ZNF699: variants seen among roughly 807,000 people sequenced by gnomAD.
ZNF699 encodes the protein hangover homolog.
ZNF699 carries 18 observed loss-of-function variants against 22.5 expected under a neutral mutation model. The observed-to-expected ratio is 0.80, with a 90% CI of 0.55 to 1.19. The LOEUF (loss-of-function observed/expected upper bound fraction) is 1.19, where lower values mean the gene tolerates loss of function less well. Ranked by LOEUF, ZNF699 falls within the 50% of genes most tolerant of loss-of-function variation. The pLI is 0.00. For synonymous variants in ZNF699, 241 were observed against 262.3 expected (o/e 0.92, Z 0.78); for missense variants, 670 against 763.4 (o/e 0.88, Z 1.44).
At chr19:9,299,959 C>G (rs746904537) in intron 3 of ZNF699, among the ~76,000 whole-genome samples, 1 of 151,854 alleles carries the variant, frequency 6.6e-6, no homozygotes, top group East Asian at 1.9e-4. Context: ...TGAAAAGATG[C>G]TCAACATCAT....
intron 3 of ZNF699, among the ~76,000 whole-genome samples, chr19:9,298,615 G>A (rs1230504569): frequency 6.6e-6 from 1 of 152,026 alleles, no homozygotes; most frequent in East Asian, 1.9e-4. Flanking sequence ...ACTAATCTTG[G>A]ATAAAGTTAC....
chr19:9,297,894 C>T lies in ZNF699; in HGVS notation c.272G>A (p.Gly91Glu). 1 of 1,613,470 alleles carries T rather than the reference C, an allele frequency of 6.2e-7. No homozygotes were observed. The change falls in exon 4 of 6, where the codon GGA becomes GAA. Residue 91 changes from glycine (G) to glutamate (E), a missense_variant. By Grantham distance (98) the Gly-to-Glu change is moderately conservative. Transcript: ENST00000591998. This position sits in a 1 kb window ranked among gnomAD's most constrained non-coding sequence, Gnocchi z 4.3. ...AGGGTTCTTGCCTTCCCGGTGCTCT[C>T]CCATAAAGATGCCCTGGATAAGTTC... is the stretch of plus-strand genomic sequence containing the variant. ...KRELIQGIFM[G>E]EHREGFETQL...
Position 9,297,019 on chromosome 19 carries a change from T to A in ZNF699, c.471-86A>T. 8.1e-7 allele frequency: 1 copy of A among 1,237,244 alleles called. No individual in the cohort carries two copies. Among genetic ancestry groups the A allele is most frequent in the Non-Finnish European group, 1.1e-6 (1 of 916,476 alleles). 76.6% of individuals were successfully genotyped at this position (1,237,244 alleles called of 1,614,324 possible). Reference sequence around the variant, plus strand: ...ATGTTTTCTGCCCTTCTGTCAAGTTTAAGCTGAAAGTTTTCACAGAGGGCT... The same window carrying A: ...ATGTTTTCTGCCCTTCTGTCAAGTTAAAGCTGAAAGTTTTCACAGAGGGCT... On this transcript the variant is annotated intron_variant, in intron 5 of 5. Coordinates refer to ENST00000591998, the MANE Select transcript of ZNF699 (RefSeq NM_198535.3). The surrounding 1 kb of genome is among the most constrained non-coding windows in gnomAD (Gnocchi z 4.3).
Position 9,296,102 on chromosome 19 carries a change from A to G in ZNF699, c.1302T>C (p.Leu434=). The change falls in exon 6 of 6, where the codon CTT becomes CTC. Residue 434 remains leucine, a synonymous_variant. Transcript: ENST00000591998. ...GACTTTGATTTTTCACATGTGTATTAAGGGAAGTGGGAAGGTAGAAGGCCT... is the reference window on the plus strand; with the variant it reads ...GACTTTGATTTTTCACATGTGTATTGAGGGAAGTGGGAAGGTAGAAGGCCT... ...CGKAFYLPTS[L]NTHVKNQSRE... is the part of the protein sequence containing the mutation. The G allele has an allele frequency of 2.5e-6, 4 of 1,609,420 alleles. No homozygotes were observed. The highest frequency in any genetic ancestry group is 3.4e-6 in the Non-Finnish European group (4 of 1,178,514).
At chr19:9,307,994 T>C (rs2066333810) in intron 1 of ZNF699, among the ~76,000 whole-genome samples, 1 of 149,356 alleles carries the variant, frequency 6.7e-6, no homozygotes, top group Non-Finnish European at 1.5e-5. Flanking sequence ...TATTGATATA[T>C]AAAGTTGAAT....
chr19:9,305,266 TACACAC>T (rs755417456), intron 1 of ZNF699, 142 bp from the exon 2 acceptor site: 3 of 583,402 alleles, frequency 5.1e-6, no homozygotes, highest in East Asian at 2.9e-5. Context: ...TCAAAACACA[TACACAC>T]ACACACACAC....
At chr19:9,304,041 G>A (rs576884297) in intron 2 of ZNF699, among the ~76,000 whole-genome samples, 2 of 151,928 alleles carry the variant, frequency 1.3e-5, no homozygotes, top group African/African-American at 4.8e-5. Context: ...GACTGGTCTC[G>A]AACTCCTGAC....
In ZNF699 at chr19:9,293,684, G is replaced by T. The variant is rs2066274477; in HGVS notation, c.*1791C>A. On this transcript the variant is annotated 3_prime_UTR_variant, in exon 6 of 6. Transcript: ENST00000591998. ...AGGAACTTCCTAAAGTCTTGGAAAT[G>T]TTCTGTTTACCAGGACATGTACATA... Among the ~76,000 whole-genome samples, 1 of 152,144 alleles carries T rather than the reference G, an allele frequency of 6.6e-6. No individual in the cohort carries two copies. Among genetic ancestry groups the T allele is most frequent in the Admixed American group, 6.5e-5 (1 of 15,270 alleles).
rs961163156 is a variant in ZNF699 at position 9,297,636 on chromosome 19, A to G, written c.287-157T>C. 5.3e-5 allele frequency among the ~76,000 whole-genome samples: 8 copies of G among 152,206 alleles called. No individual in the cohort carries two copies. Among genetic ancestry groups the G allele is most frequent in the Non-Finnish European group, 8.8e-5 (6 of 68,042 alleles). ...TTGAAACTAACATAACTAATATAGT[A>G]TTAGGAGAACAAAACAGAAATTGGA... is the stretch of plus-strand genomic sequence containing the variant. On this transcript the variant is annotated intron_variant, in intron 4 of 5. Transcript: ENST00000591998. This position sits in a 1 kb window ranked among gnomAD's most constrained non-coding sequence, Gnocchi z 4.3.
Position 9,309,191 on chromosome 19 carries a change from C to A in ZNF699, c.-6+159G>T, listed in dbSNP as rs141596850. 3.9e-3 allele frequency among the ~76,000 whole-genome samples: 546 copies of A among 139,802 alleles called. 1 individual carries two copies. Among genetic ancestry groups the A allele is most frequent in the African/African-American group, 0.014 (506 of 37,254 alleles). The allele number at this position is 139,802 out of a possible 152,430, so 91.7% of individuals were successfully genotyped here. On this transcript the variant is annotated intron_variant, in intron 1 of 5. Coordinates refer to ENST00000591998, the MANE Select transcript of ZNF699 (RefSeq NM_198535.3). ...ACGGGATCTTGCTATGTTGCCCAGG[C>A]TGGCCTCAAACTCCTGGGCTCAAGC...
rs758421503 is a variant in ZNF699, at chr19:9,296,807, C to T, written c.597G>A (p.Glu199=). 7.4e-6 allele frequency: 12 copies of T among 1,614,026 alleles called. No individual in the cohort carries two copies. The highest frequency in any genetic ancestry group is 1.0e-5 in the Non-Finnish European group (12 of 1,180,026). ...NTEVKSCECH[E]CGKAFVDHSS... ...AATGATCCACGAAGGCCTTTCCACACTCATGGCATTCACAGGATTTTACTT... is the reference window on the plus strand; with the variant it reads ...AATGATCCACGAAGGCCTTTCCACATTCATGGCATTCACAGGATTTTACTT... Residue 199 remains glutamate, a synonymous_variant, in exon 6 of 6, where the codon GAG becomes GAA. Transcript: ENST00000591998.
chr19:9,295,334 T>G lies in ZNF699; in HGVS notation c.*141A>C. ...AGCACATGACTTACATACACAGGGT[T>G]TCTCTAAAGTGTCCTCAAATCTTCA... On this transcript the variant is annotated 3_prime_UTR_variant, in exon 6 of 6. Transcript: ENST00000591998. 9.3e-7 allele frequency: 1 copy of G among 1,080,434 alleles called. No individual in the cohort carries two copies. The highest frequency in any genetic ancestry group is 1.3e-6 in the Non-Finnish European group (1 of 756,758). The allele number at this position is 1,080,434 out of a possible 1,614,324, so 66.9% of individuals were successfully genotyped here.
At chr19:9,299,281 C>A (rs1485295258) in intron 3 of ZNF699, among the ~76,000 whole-genome samples, 5 of 152,170 alleles carry the variant, frequency 3.3e-5, no homozygotes, top group Admixed American at 6.5e-5. Context: ...ACCACAGGTG[C>A]CTGCCACCAC....
At chr19:9,304,932 A>AC (rs1009385579) in intron 2 of ZNF699, 140 bp downstream of exon 2, 4 of 597,764 alleles carry the variant, frequency 6.7e-6, no homozygotes, top group South Asian at 2.4e-5. Context: ...AAAAAAAAAA[A>AC]AAAAAAAACT....
chr19:9,299,101 C>T (rs1406991564), intron 3 of ZNF699, among the ~76,000 whole-genome samples: 1 of 152,226 alleles, frequency 6.6e-6, no homozygotes, highest in Non-Finnish European at 1.5e-5. Flanking sequence ...GGAGAAAAAT[C>T]TAAATGACCT....
chr19:9,303,957 A>G (rs926701866), intron 2 of ZNF699, among the ~76,000 whole-genome samples: 19 of 151,826 alleles, frequency 1.3e-4, no homozygotes, highest in Non-Finnish European at 1.5e-5. Context: ...AGCTGGGATT[A>G]CAGGCACGTG....
chr19:9,305,003 C>T, intron 2 of ZNF699, 69 bp downstream of exon 2: 1 of 1,278,480 alleles, frequency 7.8e-7, no homozygotes, highest in East Asian at 2.3e-5. Flanking sequence ...CTGGCTTGTG[C>T]CCTAAAACAC....
chr19:9,304,397 C>CCT (rs141026444), intron 2 of ZNF699, among the ~76,000 whole-genome samples: 6,405 of 151,332 alleles, frequency 0.042, 367 homozygotes, highest in African/African-American at 0.14. Context: ...TTTTTTTCCC[C>CCT]CTCACAAAAC....
rs1450321512 is a variant in ZNF699, at chr19:9,296,567, A to C, written c.837T>G (p.Tyr279Ter). Residue 279 changes from tyrosine to a stop codon, truncating the protein, a stop_gained, in exon 6 of 6, where the codon TAT becomes TAG. Coordinates refer to ENST00000591998, the MANE Select transcript of ZNF699 (RefSeq NM_198535.3). LOFTEE classifies it low-confidence loss of function (END_TRUNC). Reference sequence around the variant, plus strand: ...AACCTTTCCCACATTCTTTACATTCATAGTTTGTCTTTCCGATGTGAATCT... The same window carrying C: ...AACCTTTCCCACATTCTTTACATTCCTAGTTTGTCTTTCCGATGTGAATCT... ...HMKIHIGKTNYECKECGKGFS... is the reference protein window; with the variant it reads ...HMKIHIGKTN 6.2e-7 allele frequency: 1 copy of C among 1,614,042 alleles called. No individual in the cohort carries two copies. Among genetic ancestry groups the C allele is most frequent in the Non-Finnish European group, 8.5e-7 (1 of 1,180,022 alleles).
Sources: gnomAD v4.1 joint callset for allele counts (sites outside exome capture counted in the v4.1 genomes callset) on GRCh38, gnomAD v4.1.1 for gene constraint, Gnocchi (gnomAD v3.1) non-coding constraint, MANE v1.5 for transcripts, NCBI Gene and HGNC (gene_info 2026-07-23, HGNC 2026-07-21) for gene names.